CHL1: variants seen among roughly 807,000 people sequenced by gnomAD.
CHL1 encodes cell adhesion molecule L1 like.
Under a neutral mutation model 141.9 loss-of-function variants are expected in CHL1, and 96 were observed. That is an observed-to-expected ratio of 0.68 (90% CI 0.57 to 0.80). The LOEUF (loss-of-function observed/expected upper bound fraction) is 0.80, where lower values mean the gene tolerates loss of function less well. CHL1 is among the 30% of genes least tolerant of loss of function. The pLI is 0.00. For synonymous variants in CHL1, 613 were observed against 502.2 expected (o/e 1.22, Z -2.95); for missense variants, 1,820 against 1,457.2 (o/e 1.25, Z -4.05).
intron 1 of CHL1, among the ~76,000 whole-genome samples, chr3:218,130 C>A (rs954986855): frequency 2.0e-5 from 3 of 152,144 alleles, no homozygotes; most frequent in African/African-American, 4.8e-5. Flanking sequence ...GTTTACGATA[C>A]GTGTTTTCAG....
At chr3:323,231 A>T (rs1390082508) in intron 3 of CHL1, among the ~76,000 whole-genome samples, 1 of 152,100 alleles carries the variant, frequency 6.6e-6, no homozygotes, top group Non-Finnish European at 1.5e-5. Flanking sequence ...ATATAAGGTC[A>T]TTGATTAAAT....
At chr3:317,731 A>C (rs1052612457) in intron 2 of CHL1, among the ~76,000 whole-genome samples, 1 of 151,426 alleles carries the variant, frequency 6.6e-6, no homozygotes, top group African/African-American at 2.4e-5. Context: ...CATATTAATA[A>C]TAGCTACATG....
rs1016453926 is a variant in CHL1 at position 222,711 on chromosome 3, T to C, written c.-174-21902T>C. 7.9e-5 allele frequency among the ~76,000 whole-genome samples: 12 copies of C among 152,160 alleles called. 1 individual carries two copies. Among genetic ancestry groups the C allele is most frequent in the Admixed American group, 7.9e-4 (12 of 15,282 alleles). On this transcript the variant is annotated intron_variant, in intron 1 of 27. Coordinates refer to ENST00000256509, the MANE Select transcript of CHL1 (RefSeq NM_006614.4). ...TTCACTCCTGTCTTGAAATAGATAA[T>C]GAGATAACAGGGAAGGGAAGGAAAA...
intron 3 of CHL1, among the ~76,000 whole-genome samples, chr3:324,424 C>G (rs1187865875): frequency 6.6e-6 from 1 of 152,008 alleles, no homozygotes; most frequent in African/African-American, 2.4e-5. Flanking sequence ...ACTGGGATGT[C>G]TCCTTTTGAA....
At chr3:237,534 A>G (rs941207731) in intron 1 of CHL1, among the ~76,000 whole-genome samples, 1 of 152,210 alleles carries the variant, frequency 6.6e-6, no homozygotes, top group Non-Finnish European at 1.5e-5. Flanking sequence ...TTCTCAAAGT[A>G]TTTTAGATGA....
intron 1 of CHL1, among the ~76,000 whole-genome samples, chr3:198,596 T>A (rs1457511109): frequency 6.6e-6 from 1 of 152,218 alleles, no homozygotes; most frequent in African/African-American, 2.4e-5. Flanking sequence ...GTTGCAAGAC[T>A]GGAATGAGAT....
At chr3:391,631 T>G in intron 22 of CHL1, 44 bp from the exon 23 acceptor site, 1 of 1,469,874 alleles carries the variant, frequency 6.8e-7, no homozygotes, top group Non-Finnish European at 9.3e-7. Context: ...TTTTTTGAAT[T>G]TTTCTAATTG....
intron 24 of CHL1, among the ~76,000 whole-genome samples, chr3:397,291 C>T (rs1708756280): frequency 6.6e-6 from 1 of 152,012 alleles, no homozygotes. Flanking sequence ...GGCCTTATTT[C>T]TCTCATGGTG....
At chr3:202,113 C>T (rs1042215100) in intron 1 of CHL1, among the ~76,000 whole-genome samples, 2 of 152,162 alleles carry the variant, frequency 1.3e-5, no homozygotes, top group South Asian at 2.1e-4. Flanking sequence ...TTGGCTTAGT[C>T]ATGTTGACCT....
At chr3:269,299 T>G (rs543999767) in intron 2 of CHL1, among the ~76,000 whole-genome samples, 1 of 152,294 alleles carries the variant, frequency 6.6e-6, no homozygotes, top group South Asian at 2.1e-4. Context: ...GGGCTCCAAC[T>G]TAATCATTTG....
At chr3:243,359 G>A (rs1230429171) in intron 1 of CHL1, among the ~76,000 whole-genome samples, 2 of 152,138 alleles carry the variant, frequency 1.3e-5, no homozygotes, top group Admixed American at 1.3e-4. Flanking sequence ...AAAACAATGT[G>A]TACCATGGAC....
At chr3:312,787 G>C (rs1190952179) in intron 2 of CHL1, among the ~76,000 whole-genome samples, 1 of 152,146 alleles carries the variant, frequency 6.6e-6, no homozygotes, top group Non-Finnish European at 1.5e-5. Context: ...TTATCATGGA[G>C]AGAAAAGAAA....
intron 1 of CHL1, among the ~76,000 whole-genome samples, chr3:240,677 TG>T (rs1692470048): frequency 6.6e-6 from 1 of 152,224 alleles, no homozygotes; most frequent in Admixed American, 6.5e-5. Flanking sequence ...CCTAAGCCAA[TG>T]TCTAGAAGAG....
intron 18 of CHL1, 88 bp downstream of exon 18, chr3:382,759 T>G: frequency 8.6e-7 from 1 of 1,163,500 alleles, no homozygotes; most frequent in Admixed American, 2.0e-5. Context: ...GATAGAGTAA[T>G]GTAGGATTTT....
rs528469783 is a variant in CHL1 at position 382,324 on chromosome 3, A to C, written c.1978+44A>C. 3.3e-5 allele frequency: 52 copies of C among 1,554,356 alleles called. No individual in the cohort carries two copies. In the South Asian group the frequency reaches 4.7e-4, roughly 14 times the overall value. ...ACTGTTTTCATTACTCTAGATAGTC[A>C]AAATTAATAGCGAAGTCACTTTTTA... is the stretch of plus-strand genomic sequence containing the variant. On this transcript the variant is annotated intron_variant, in intron 17 of 27. Coordinates refer to ENST00000256509, the MANE Select transcript of CHL1 (RefSeq NM_006614.4).
chr3:287,492 G>C (rs1287307383), intron 2 of CHL1, among the ~76,000 whole-genome samples: 1 of 152,118 alleles, frequency 6.6e-6, no homozygotes, highest in African/African-American at 2.4e-5. Context: ...TTACAGTAGA[G>C]GTGCTTTGGG....
In CHL1 at chr3:405,788, A is replaced by G; in HGVS notation, c.*77A>G. ...TCTGTTCAAAGGAGCAAGAACTTTC[A>G]TATAGGAATAGAAACATGCTGGCCG... is the stretch of plus-strand genomic sequence containing the variant. On this transcript the variant is annotated 3_prime_UTR_variant, in exon 28 of 28. Coordinates refer to ENST00000256509, the MANE Select transcript of CHL1 (RefSeq NM_006614.4). 1.9e-6 allele frequency: 2 copies of G among 1,030,350 alleles called. No individual in the cohort carries two copies. Among genetic ancestry groups the G allele is most frequent in the South Asian group, 1.4e-5 (1 of 70,982 alleles). 63.8% of individuals were successfully genotyped at this position (1,030,350 alleles called of 1,614,324 possible).
In CHL1 at chr3:304,535, T is replaced by A. The variant is rs555274372; in HGVS notation, c.-94-15148T>A. On this transcript the variant is annotated intron_variant, in intron 2 of 27. Transcript: ENST00000256509. The stretch of plus-strand genomic sequence containing the variant: ...TTTCTAGTTTATTTGCATAGAGGTG[T>A]TTATAGTATCCTCTGATGGTAGTTT... Among the ~76,000 whole-genome samples, 8 of 152,366 alleles carry A rather than the reference T, an allele frequency of 5.3e-5. No homozygotes were observed. In the South Asian group the frequency reaches 1.7e-3, roughly 32 times the overall value.
chr3:324,626 TTTATTTATTTA>T (rs1383098142), intron 3 of CHL1, among the ~76,000 whole-genome samples: 2 of 151,068 alleles, frequency 1.3e-5, no homozygotes, highest in Admixed American at 6.6e-5. Flanking sequence ...TATTTATTTA[TTTATTTATTTA>T]TTTATTTATT....
Sources: gnomAD v4.1 joint callset for allele counts (sites outside exome capture counted in the v4.1 genomes callset) on GRCh38, gnomAD v4.1.1 for gene constraint, MANE v1.5 for transcripts, NCBI Gene and HGNC (gene_info 2026-07-23, HGNC 2026-07-21) for gene names.